Variants in NAALADL2 observed in about 807,000 individuals in gnomAD.
The protein encoded by NAALADL2 is inactive N-acetylated-alpha-linked acidic dipeptidase-like protein 2.
NAALADL2 carries 76 observed loss-of-function variants against 87.2 expected under a neutral mutation model. The observed-to-expected ratio is 0.87, with a 90% CI of 0.72 to 1.05. The LOEUF (loss-of-function observed/expected upper bound fraction) is 1.05, where lower values mean the gene tolerates loss of function less well. Among genes scored for constraint, NAALADL2 ranks in the 50% least tolerant of loss-of-function variants. The pLI is 0.00. For missense variants in NAALADL2, 1,089 were observed against 945.8 expected (o/e 1.15, Z -1.99); for synonymous variants, 354 against 331.0 (o/e 1.07, Z -0.75).
chr3:175,436,686 T>G (rs1397322844), intron 5 of NAALADL2, among the ~76,000 whole-genome samples: 1 of 61,416 alleles, frequency 1.6e-5, no homozygotes, highest in Non-Finnish European at 3.4e-5. Context: ...TCGCCCACTT[T>G]TTGATGGGGT....
At chr3:174,686,374 T>C (rs940607241) in intron 2 of NAALADL2, among the ~76,000 whole-genome samples, 5 of 152,160 alleles carry the variant, frequency 3.3e-5, no homozygotes, top group African/African-American at 1.2e-4. Context: ...AAGCATCTGT[T>C]ATTTTTTGAC....
At chr3:175,012,749 C>A (rs138291447) in intron 1 of NAALADL2, among the ~76,000 whole-genome samples, 6 of 151,820 alleles carry the variant, frequency 4.0e-5, no homozygotes, top group Middle Eastern at 3.4e-3. Context: ...GGAACACTTG[C>A]CTTGCAAAGC....
intron 11 of NAALADL2, chr3:175,718,128 G>T: frequency 9.8e-7 from 1 of 1,015,856 alleles, no homozygotes; most frequent in Non-Finnish European, 1.4e-6. Flanking sequence ...GACGTATCTA[G>T]AAAATTTACT....
chr3:175,379,366 T>A (rs1767522295), intron 5 of NAALADL2, among the ~76,000 whole-genome samples: 1 of 151,986 alleles, frequency 6.6e-6, no homozygotes, highest in Non-Finnish European at 1.5e-5. Flanking sequence ...CTATCCATAT[T>A]CTCACTTCTT....
At chr3:174,731,561 C>T (rs1214555255) in intron 2 of NAALADL2, among the ~76,000 whole-genome samples, 1 of 152,078 alleles carries the variant, frequency 6.6e-6, no homozygotes, top group Non-Finnish European at 1.5e-5. Flanking sequence ...CAGGCCAAGT[C>T]ATCATGGTCG....
At chr3:174,889,351 T>C (rs1730587757) in intron 1 of NAALADL2, among the ~76,000 whole-genome samples, 1 of 152,190 alleles carries the variant, frequency 6.6e-6, no homozygotes, top group Non-Finnish European at 1.5e-5. Context: ...ACTGCTTCTC[T>C]TTTCTTTTTC....
In NAALADL2 at chr3:174,605,349, C is replaced by T. The variant is rs546846705; in HGVS notation, c.-115+54712C>T. Among the ~76,000 whole-genome samples, 63 of 152,232 alleles carry T rather than the reference C, an allele frequency of 4.1e-4. 1 individual carries two copies. Among genetic ancestry groups the T allele is most frequent in the Admixed American group, 3.6e-3 (55 of 15,300 alleles). Reference sequence around the variant, plus strand: ...TGGGTGCAGCGCACCGTGCGCAAGCCGAAGCAGGACGAGGCATTGCCTCAC... The same window carrying T: ...TGGGTGCAGCGCACCGTGCGCAAGCTGAAGCAGGACGAGGCATTGCCTCAC... On this transcript the variant is annotated intron_variant, in intron 2 of 3. Coordinates refer to the NAALADL2 transcript ENST00000434257.
At chr3:174,927,397 G>T (rs148928087) in intron 1 of NAALADL2, among the ~76,000 whole-genome samples, 4 of 152,158 alleles carry the variant, frequency 2.6e-5, no homozygotes, top group Non-Finnish European at 5.9e-5. Context: ...CAAATCAACA[G>T]AATATACATT....
At chr3:175,243,189 G>A (rs1022075278) in intron 3 of NAALADL2, among the ~76,000 whole-genome samples, 23 of 150,430 alleles carry the variant, frequency 1.5e-4, no homozygotes, top group Non-Finnish European at 3.4e-4. Flanking sequence ...TCTGCTTTTA[G>A]AGAGACTTCT....
chr3:175,160,035 C>T (rs909041691), intron 2 of NAALADL2, among the ~76,000 whole-genome samples: 1 of 140,402 alleles, frequency 7.1e-6, no homozygotes, highest in Non-Finnish European at 1.5e-5. Context: ...GATGGGGTTT[C>T]ACCGTGCTGG....
chr3:174,482,667 C>G (rs1267351908), intron 1 of NAALADL2, among the ~76,000 whole-genome samples: 1 of 152,016 alleles, frequency 6.6e-6, no homozygotes, highest in Non-Finnish European at 1.5e-5. Flanking sequence ...TTTCACCACT[C>G]TCCCCTCCCA....
intron 9 of NAALADL2, among the ~76,000 whole-genome samples, chr3:175,570,803 C>G (rs1717954730): frequency 6.6e-6 from 1 of 150,762 alleles, no homozygotes; most frequent in Non-Finnish European, 1.5e-5. Context: ...TGGCGTGAAC[C>G]CAGGGGGCAG....
intron 2 of NAALADL2, among the ~76,000 whole-genome samples, chr3:174,698,811 C>T (rs949371017): frequency 3.0e-5 from 4 of 133,312 alleles, no homozygotes; most frequent in Admixed American, 7.7e-5. Context: ...TTGCAGTGAG[C>T]CGAGATCCCG....
chr3:174,767,455 C>T (rs953332505), intron 3 of NAALADL2, among the ~76,000 whole-genome samples: 6 of 152,148 alleles, frequency 3.9e-5, no homozygotes, highest in African/African-American at 1.2e-4. Flanking sequence ...ATTCATGTTC[C>T]GAGGAGAATT....
At chr3:174,975,976 C>T (rs1744305830) in intron 1 of NAALADL2, among the ~76,000 whole-genome samples, 1 of 152,168 alleles carries the variant, frequency 6.6e-6, no homozygotes, top group Non-Finnish European at 1.5e-5. Context: ...AAACTTTTGA[C>T]TCACTGAAAC....
intron 2 of NAALADL2, chr3:175,115,312 T>C (rs566434156): frequency 3.3e-5 from 5 of 151,768 alleles, no homozygotes; most frequent in Admixed American, 1.3e-4. Flanking sequence ...GTGATTTTTT[T>C]TTCAATCAAA....
rs1399594788 is a variant in NAALADL2 at position 175,324,044 on chromosome 3, GA to G, written c.940-126del. The G allele has an allele frequency of 4.5e-5, 21 of 470,204 alleles. 2 individuals are homozygous for G. The highest frequency in any genetic ancestry group is 2.1e-4 in the Admixed American group (5 of 23,414). The allele number at this position is 470,204 out of a possible 1,614,324, so 29.1% of individuals were successfully genotyped here. A position where few individuals can be genotyped will look rare whatever the true frequency, so the allele number is the denominator to read the frequency against. ...AAAAACAAACAAAAAAAAAAAAAAAGAAAAAGAAAAAGAAAAAGAAAAAAAA... is the reference window on the plus strand; with the variant it reads ...AAAAACAAACAAAAAAAAAAAAAAAGAAAAGAAAAAGAAAAAGAAAAAAAA... On this transcript the variant is annotated intron_variant, in intron 4 of 13. Coordinates refer to ENST00000454872, the MANE Select transcript of NAALADL2 (RefSeq NM_207015.3).
chr3:175,495,073 C>CATAT (rs372953738), intron 9 of NAALADL2, among the ~76,000 whole-genome samples: 3,325 of 126,116 alleles, frequency 0.026, 64 homozygotes, highest in African/African-American at 0.041. Flanking sequence ...TAAGCAATCC[C>CATAT]ATATATATAT....
chr3:175,165,977 TCTC>T (rs1425474640), intron 2 of NAALADL2, among the ~76,000 whole-genome samples: 1 of 151,868 alleles, frequency 6.6e-6, no homozygotes, highest in Non-Finnish European at 1.5e-5. Flanking sequence ...TCACATTAGT[TCTC>T]CTGCTACCAT....
Sources: allele counts gnomAD v4.1 joint callset (sites outside exome capture counted in the v4.1 genomes callset), GRCh38; gene constraint gnomAD v4.1.1; transcripts MANE v1.5; gene names NCBI Gene and HGNC (gene_info 2026-07-23, HGNC 2026-07-21).